PCDH15: variants seen among roughly 807,000 people sequenced by gnomAD.
The protein encoded by PCDH15 is protocadherin related 15.
A neutral mutation model predicts 178.5 loss-of-function variants in PCDH15; 129 were observed. That is an observed-to-expected ratio of 0.72 (90% CI 0.63 to 0.84). The LOEUF is 0.84. Among genes scored for constraint, PCDH15 ranks in the 40% least tolerant of loss-of-function variants. The pLI, the probability that PCDH15 is intolerant of heterozygous loss-of-function variation, is 0.00. For missense variants in PCDH15, 2,230 were observed against 2,099.9 expected (o/e 1.06, Z -1.21); for synonymous variants, 800 against 732.0 (o/e 1.09, Z -1.50).
chr10:55,542,295 G>GTACAATATGTCCATATATGGACATATA (rs1178576571), intron 2 of PCDH15, among the ~76,000 whole-genome samples: 42 of 150,604 alleles, frequency 2.8e-4, no homozygotes, highest in Non-Finnish European at 4.8e-4. Flanking sequence ...ATGGACATAT[G>GTACAATATGTCCATATATGGACATATA]TACAATATGT....
chr10:54,020,145 T>C (rs771469376), intron 20 of PCDH15, 47 bp downstream of exon 20: 9 of 1,524,440 alleles, frequency 5.9e-6, no homozygotes, highest in Non-Finnish European at 8.2e-6. Context: ...AAAACCTACA[T>C]GTAGAGAGAG....
intron 2 of PCDH15, among the ~76,000 whole-genome samples, chr10:55,600,348 A>G (rs565273130): frequency 1.3e-5 from 2 of 150,790 alleles, no homozygotes; most frequent in East Asian, 4.0e-4. Flanking sequence ...TGAGAGACAG[A>G]GTGAGACTCT....
At chr10:53,823,434 G>T in intron 32 of PCDH15, 4 of 1,335,628 alleles carry the variant, frequency 3.0e-6, no homozygotes, top group Middle Eastern at 2.0e-4. Context: ...TGTTTTTATG[G>T]CTCTCATTAC....
Position 54,202,323 on chromosome 10 carries a change from G to GA in PCDH15, c.1099-6435dup, listed in dbSNP as rs1427023915. On this transcript the variant is annotated intron_variant, in intron 10 of 37. Coordinates refer to ENST00000644397, the MANE Select transcript of PCDH15 (RefSeq NM_001384140.1). ...GCAAACATTAGATATCTTAGGAAGA[G>GA]AAAAAAAAAAGAGGGAGGGAGGAAG... Among the ~76,000 whole-genome samples, 426 of 145,370 alleles carry GA rather than the reference G, an allele frequency of 2.9e-3. 1 individual carries two copies. Among genetic ancestry groups the GA allele is most frequent in the African/African-American group, 9.7e-3 (386 of 39,638 alleles).
At chr10:55,547,910 T>TGTGTGTGTGAGAGAGAGAGAGAGAGAGA (rs541144266) in intron 2 of PCDH15, among the ~76,000 whole-genome samples, 3 of 54,524 alleles carry the variant, frequency 5.5e-5, no homozygotes, top group Non-Finnish European at 1.0e-4. Context: ...TGTGTGTGTG[T>TGTGTGTGTGAGAGAGAGAGAGAGAGAGA]GAGAGAGAGA....
chr10:54,455,955 A>G (rs1375159941), intron 3 of PCDH15, among the ~76,000 whole-genome samples: 1 of 152,206 alleles, frequency 6.6e-6, no homozygotes, highest in African/African-American at 2.4e-5. Context: ...GCCTGCAGGT[A>G]CACAGAAGTC....
At chr10:53,839,419 A>C (rs1214823004) in intron 29 of PCDH15, among the ~76,000 whole-genome samples, 2 of 152,026 alleles carry the variant, frequency 1.3e-5, no homozygotes, top group African/African-American at 4.8e-5. Context: ...ATTTACATAC[A>C]CATAATATAG....
rs562919116 is a variant in PCDH15 at position 55,497,295 on chromosome 10, G to A, written c.-156+130330C>T. 3.3e-5 allele frequency among the ~76,000 whole-genome samples: 5 copies of A among 151,356 alleles called. No homozygotes were observed. In the East Asian group the frequency reaches 9.8e-4, roughly 30 times the overall value. ...CAGGTGCACACCATGACGCCTGGCT[G>A]ATTTTTTTTTTTAATTTTTTGTAGA... On this transcript the variant is annotated intron_variant, in intron 2 of 5. Transcript: ENST00000613346.
intron 3 of PCDH15, among the ~76,000 whole-genome samples, chr10:54,498,858 G>A (rs927439093): frequency 6.6e-6 from 1 of 152,090 alleles, no homozygotes; most frequent in Non-Finnish European, 1.5e-5. Context: ...AAGCACGGCT[G>A]GGAGGGCCCA....
At position 55,171,529 on chromosome 10, in the gene PCDH15, A is replaced by T. The variant is rs376228089; in HGVS notation, c.-155-4878T>A. 2.8e-4 allele frequency among the ~76,000 whole-genome samples: 43 copies of T among 152,208 alleles called. 1 individual carries two copies. The highest frequency in any genetic ancestry group is 1.0e-3 in the African/African-American group (42 of 41,534). ...ACGATAATATAAGGCAGTGGAGGGGATTAAAATTAAAAAAACAACGACATA... is the reference window on the plus strand; with the variant it reads ...ACGATAATATAAGGCAGTGGAGGGGTTTAAAATTAAAAAAACAACGACATA... On this transcript the variant is annotated intron_variant, in intron 1 of 5. Coordinates refer to the PCDH15 transcript ENST00000458638.
rs1240206377 is a variant in PCDH15, at chr10:55,210,963, C to T, written c.-155-44312G>A. Among the ~76,000 whole-genome samples the T allele has an allele frequency of 2.0e-5, 3 of 151,888 alleles. No homozygotes were observed. In the East Asian group the frequency reaches 5.8e-4, roughly 29 times the overall value. ...TAATAACTGACTGTAAATATAGAGT[C>T]CCTCTCCCTGTAACCCCCTTGAAAC... On this transcript the variant is annotated intron_variant, in intron 1 of 5. Coordinates refer to the PCDH15 transcript ENST00000458638.
chr10:54,253,276 T>C (rs2132131417), intron 8 of PCDH15, among the ~76,000 whole-genome samples: 1 of 152,190 alleles, frequency 6.6e-6, no homozygotes, highest in South Asian at 2.1e-4. Context: ...GCGAGAATAT[T>C]AAAGTTACTG....
intron 25 of PCDH15, among the ~76,000 whole-genome samples, chr10:53,923,477 C>T (rs1217124211): frequency 1.3e-5 from 2 of 152,156 alleles, no homozygotes; most frequent in East Asian, 3.8e-4. Context: ...TTTGCTTTTG[C>T]ATTGAAGCAA....
At chr10:54,446,461 G>A (rs1446031116) in intron 3 of PCDH15, among the ~76,000 whole-genome samples, 2 of 151,282 alleles carry the variant, frequency 1.3e-5, no homozygotes, top group East Asian at 3.9e-4. Flanking sequence ...GGTTTTTTGT[G>A]TTTCATTATT....
chr10:54,975,009 C>T (rs1839033262), intron 2 of PCDH15, among the ~76,000 whole-genome samples: 1 of 152,128 alleles, frequency 6.6e-6, no homozygotes, highest in African/African-American at 2.4e-5. Context: ...AAGCAAAACA[C>T]ACATCTTCTC....
chr10:54,062,599 C>T (rs2094053365), intron 18 of PCDH15, among the ~76,000 whole-genome samples: 1 of 152,006 alleles, frequency 6.6e-6, no homozygotes, highest in South Asian at 2.1e-4. Context: ...CTTTCAACAT[C>T]GTTTTAGTTT....
intron 2 of PCDH15, among the ~76,000 whole-genome samples, chr10:55,108,675 C>T (rs999090079): frequency 2.6e-5 from 4 of 151,106 alleles, no homozygotes; most frequent in Admixed American, 6.6e-5. Context: ...TACCAGTAAA[C>T]GTAAAGCATT....
chr10:54,089,021 A>G (rs1434351308), intron 16 of PCDH15, among the ~76,000 whole-genome samples: 8 of 152,204 alleles, frequency 5.3e-5, no homozygotes, highest in African/African-American at 1.9e-4. Context: ...GAAAACAGTT[A>G]AGGCTTTTTA....
At chr10:54,237,734 T>C (rs1180264346) in intron 8 of PCDH15, among the ~76,000 whole-genome samples, 2 of 152,216 alleles carry the variant, frequency 1.3e-5, no homozygotes, top group Admixed American at 1.3e-4. Context: ...TGGTAAGTTA[T>C]ATGAGGTTAC....
Sources: allele counts gnomAD v4.1 joint callset (sites outside exome capture counted in the v4.1 genomes callset), GRCh38; gene constraint gnomAD v4.1.1; transcripts MANE v1.5; gene names NCBI Gene and HGNC (gene_info 2026-07-23, HGNC 2026-07-21).